The following ABL1 variants were observed in gnomAD, a reference collection of about 807,000 sequenced individuals.
The protein encoded by ABL1 is tyrosine-protein kinase ABL1.
A neutral mutation model predicts 94.7 loss-of-function variants in ABL1; 11 were observed. That is an observed-to-expected ratio of 0.12 (90% confidence interval 0.07 to 0.19). The LOEUF (loss-of-function observed/expected upper bound fraction) is 0.19. Among genes scored for constraint, ABL1 ranks in the 10% least tolerant of loss-of-function variants. ABL1 has a pLI of 1.00. For missense variants in ABL1, 1,082 were observed against 1,489.4 expected, an observed-to-expected ratio of 0.73 and a Z score of 4.50; for synonymous variants, 656 against 622.4, an observed-to-expected ratio of 1.05 and a Z score of -0.80.
chr9:130,768,861 T>C (rs2132763637), intron 1 of ABL1, among the ~76,000 whole-genome samples: 1 of 152,330 alleles, frequency 6.6e-6, no homozygotes, highest in Non-Finnish European at 1.5e-5. Context: ...TGTACAACAC[T>C]CTGTGGCTGT....
intron 1 of ABL1, among the ~76,000 whole-genome samples, chr9:130,749,046 G>A (rs1831922848): frequency 6.6e-6 from 1 of 152,134 alleles, no homozygotes; most frequent in South Asian, 2.1e-4. Flanking sequence ...TACTGGTTTA[G>A]TATTGCTGTT....
At chr9:130,716,071 CCTT>C (rs1831434780) in intron 1 of ABL1, among the ~76,000 whole-genome samples, 1 of 109,800 alleles carries the variant, frequency 9.1e-6, no homozygotes, top group South Asian at 2.9e-4. Context: ...TGAAAAATGT[CCTT>C]TTTTTTTTTT....
Position 130,855,293 on chromosome 9 carries a change from C to G in ABL1, c.549+197C>G, listed in dbSNP as rs1830956139. Among the ~76,000 whole-genome samples, 3 of 152,134 alleles carry G rather than the reference C, an allele frequency of 2.0e-5. No homozygotes were observed. In the South Asian group the frequency reaches 6.2e-4, roughly 31 times the overall value. On this transcript the variant is annotated intron_variant, in intron 3 of 10. Coordinates refer to ENST00000318560, the MANE Select transcript of ABL1 (RefSeq NM_005157.6). The stretch of plus-strand genomic sequence containing the variant: ...TCTGTGATATTACAAGTTCCTGGGA[C>G]TGGTATGATTCTCTTATTGTCTTGC...
chr9:130,880,904 G>C lies in ABL1; in HGVS notation c.1678+240G>C, dbSNP rs927645957. ...TCCAGCAGTGAGTTCAGTCCTGTAG[G>C]CAGAGGTGCTTCTGAAGCCCGCCAA... On this transcript the variant is annotated intron_variant, in intron 10 of 10. Coordinates refer to ENST00000318560, the MANE Select transcript of ABL1 (RefSeq NM_005157.6). This position sits in a 1 kb window ranked among gnomAD's most constrained non-coding sequence, Gnocchi z 4.4. Among the ~76,000 whole-genome samples, 1 of 152,218 alleles carries C rather than the reference G, an allele frequency of 6.6e-6. No individual in the cohort carries two copies. Among genetic ancestry groups the C allele is most frequent in the Admixed American group, 6.5e-5 (1 of 15,288 alleles).
In ABL1 at chr9:130,887,401, C is replaced by G. The variant is rs1831605780; in HGVS notation, c.*1718C>G. 1 of 233,322 alleles carries G rather than the reference C, an allele frequency of 4.3e-6. No homozygotes were observed. Among genetic ancestry groups the G allele is most frequent in the Admixed American group, 5.6e-5 (1 of 17,784 alleles). The allele number at this position is 233,322 out of a possible 1,614,324, so 14.5% of individuals were successfully genotyped here. ...AGCGCCCACCCAGGTCCCCCGACTG[C>G]CTGTCTCCATGAGGTACTGGTCCCT... On this transcript the variant is annotated 3_prime_UTR_variant, in exon 11 of 11. Coordinates refer to ENST00000318560, the MANE Select transcript of ABL1 (RefSeq NM_005157.6).
intron 1 of ABL1, among the ~76,000 whole-genome samples, chr9:130,818,807 G>A (rs1337588055): frequency 3.3e-5 from 5 of 152,180 alleles, no homozygotes; most frequent in Admixed American, 6.5e-5. Flanking sequence ...TCACTTGTAT[G>A]TTTTTAATTG....
chr9:130,870,603 CA>C (rs1297605979), intron 4 of ABL1, among the ~76,000 whole-genome samples: 1 of 152,020 alleles, frequency 6.6e-6, no homozygotes, highest in Admixed American at 6.5e-5. Flanking sequence ...CACTCCATGC[CA>C]AAAAACAGCA....
intron 1 of ABL1, among the ~76,000 whole-genome samples, chr9:130,751,202 C>T (rs1423780754): frequency 3.4e-5 from 4 of 117,286 alleles, no homozygotes; most frequent in Admixed American, 1.2e-4. Context: ...AGTACAGTGG[C>T]GCGATCTCGG....
At chr9:130,756,497 C>T (rs868266918) in intron 1 of ABL1, among the ~76,000 whole-genome samples, 1 of 152,102 alleles carries the variant, frequency 6.6e-6, no homozygotes, top group African/African-American at 2.4e-5. Flanking sequence ...CCTTTTTCAG[C>T]TATTTTTCGG....
intron 1 of ABL1, among the ~76,000 whole-genome samples, chr9:130,725,747 A>C (rs545631881): frequency 1.2e-4 from 18 of 151,080 alleles, no homozygotes; most frequent in African/African-American, 4.4e-4. Flanking sequence ...TTTAAGGCTG[A>C]ATAATATCCC....
rs1306509366 is a variant in ABL1 at position 130,885,287 on chromosome 9, C to T, written c.2997C>T (p.Ser999=). The T allele has an allele frequency of 5.0e-6, 8 of 1,613,724 alleles. No individual in the cohort carries two copies. Among genetic ancestry groups the T allele is most frequent in the African/African-American group, 1.3e-5 (1 of 74,952 alleles). ...SSALAGDQPS[S]TAFIPLISTR... is the part of the protein sequence containing the mutation. Reference sequence around the variant, plus strand: ...CCCTGGCAGGGGACCAGCCGTCTTCCACCGCCTTCATCCCTCTCATATCAA... The same window carrying T: ...CCCTGGCAGGGGACCAGCCGTCTTCTACCGCCTTCATCCCTCTCATATCAA... Residue 999 remains serine, a synonymous_variant, in exon 11 of 11, where the codon TCC becomes TCT. Coordinates refer to ENST00000318560, the MANE Select transcript of ABL1 (RefSeq NM_005157.6).
intron 3 of ABL1, among the ~76,000 whole-genome samples, chr9:130,859,112 A>G (rs933871250): frequency 6.6e-6 from 1 of 152,178 alleles, no homozygotes; most frequent in African/African-American, 2.4e-5. Flanking sequence ...CTCTGTTGAC[A>G]TAGCGGAATT....
intron 1 of ABL1, among the ~76,000 whole-genome samples, chr9:130,732,029 TC>T (rs1466125379): frequency 1.3e-5 from 2 of 152,114 alleles, no homozygotes; most frequent in African/African-American, 4.8e-5. Flanking sequence ...TTTTTTTTTT[TC>T]CAATTGTATT....
chr9:130,791,081 A>C (rs917153337), intron 1 of ABL1, among the ~76,000 whole-genome samples: 3 of 152,270 alleles, frequency 2.0e-5, no homozygotes, highest in Non-Finnish European at 4.4e-5. Context: ...GAAAGGAAAG[A>C]AATTCATGTC....
chr9:130,836,552 G>A (rs1244776933), intron 1 of ABL1, among the ~76,000 whole-genome samples: 1 of 152,036 alleles, frequency 6.6e-6, no homozygotes, highest in Non-Finnish European at 1.5e-5. Flanking sequence ...GGCCGGGCGC[G>A]GTGGCTCAAG....
At chr9:130,834,094 T>C (rs1405676131), upstream of ABL1, 2 of 455,978 alleles carry the variant, frequency 4.4e-6, no homozygotes, top group African/African-American at 4.0e-5. Flanking sequence ...GTCTGACTTC[T>C]CTGAGCATCT....
At chr9:130,813,980 A>G (rs1036033764) in intron 1 of ABL1, among the ~76,000 whole-genome samples, 2 of 152,320 alleles carry the variant, frequency 1.3e-5, no homozygotes, top group Non-Finnish European at 2.9e-5. Flanking sequence ...TGAAACCCCA[A>G]TTAAGCAGAA....
chr9:130,797,385 T>C (rs779571202), intron 1 of ABL1, among the ~76,000 whole-genome samples: 21 of 152,346 alleles, frequency 1.4e-4, no homozygotes, highest in Admixed American at 2.6e-4. Context: ...TTGTTTTGTT[T>C]TTGTTTTGAG....
At position 130,851,577 on chromosome 9, in the gene ABL1, AT is replaced by A. The variant is rs1026010970; in HGVS notation, c.80-2477del. 5.7e-4 allele frequency among the ~76,000 whole-genome samples: 86 copies of A among 150,068 alleles called. No homozygotes were observed. In the Middle Eastern group the frequency reaches 0.01, roughly 18 times the overall value. On this transcript the variant is annotated intron_variant, in intron 1 of 10. Transcript: ENST00000318560. ...GTTCTTTTTCTTTTTTTAAAAGATA[AT>A]TTTTTTTTTAAAGATAATTCAGAAT...
Sources: gnomAD v4.1 joint callset for allele counts (sites outside exome capture counted in the v4.1 genomes callset) on GRCh38, gnomAD v4.1.1 for gene constraint, Gnocchi (gnomAD v3.1) non-coding constraint, MANE v1.5 for transcripts, NCBI Gene and HGNC (gene_info 2026-07-23, HGNC 2026-07-21) for gene names.